PRRC1: variants seen among roughly 807,000 people sequenced by gnomAD.
PRRC1 encodes proline rich coiled-coil 1.
In PRRC1, 39 loss-of-function variants were observed where a neutral mutation model predicts 40.7. That is an observed-to-expected ratio of 0.96 (90% CI 0.74 to 1.25). PRRC1 has a LOEUF of 1.25. Ranked by LOEUF, PRRC1 falls within the 50% of genes most tolerant of loss-of-function variation. The probability of loss-of-function intolerance (pLI) is 0.00; values close to 1 mark genes in which losing one functional copy is unlikely to be tolerated. For synonymous variants in PRRC1, 175 were observed against 193.3 expected (o/e 0.91, Z 0.79); for missense variants, 573 against 548.3 (o/e 1.05, Z -0.45).
Position 127,533,846 on chromosome 5 carries a change from C to G in PRRC1, c.921+60C>G, listed in dbSNP as rs753895503. On this transcript the variant is annotated intron_variant, in intron 6 of 8. Transcript: ENST00000296666. The stretch of plus-strand genomic sequence containing the variant: ...ACTGGCATTTAATTTTTTCACAATT[C>G]TGATAATCTGTTGTCTCTATGGAGC... 4 of 1,553,480 alleles carry G rather than the reference C, an allele frequency of 2.6e-6. No individual in the cohort carries two copies. The Admixed American group carries it at 6.7e-5, about 26-fold the overall frequency.
chr5:127,531,416 CA>C (rs1047873338), intron 5 of PRRC1, among the ~76,000 whole-genome samples: 142 of 152,090 alleles, frequency 9.3e-4, no homozygotes, highest in Middle Eastern at 3.4e-3. Context: ...TGTAACTGTC[CA>C]AAGAATTCAA....
chr5:127,524,224 A>AGG (rs1188133331), intron 2 of PRRC1: 1 of 242,932 alleles, frequency 4.1e-6, no homozygotes, highest in African/African-American at 2.3e-5. Context: ...TTCAGGGCAT[A>AGG]GGTTTTTATG....
intron 6 of PRRC1, among the ~76,000 whole-genome samples, chr5:127,538,348 C>G (rs569357314): frequency 1.3e-5 from 2 of 152,004 alleles, no homozygotes; most frequent in South Asian, 2.1e-4. Flanking sequence ...TCTTATCTTG[C>G]GTTTTGAACA....
intron 8 of PRRC1, chr5:127,549,211 G>A (rs891970762): frequency 6.6e-6 from 1 of 151,838 alleles, no homozygotes; most frequent in African/African-American, 2.4e-5. Flanking sequence ...TCTACAAAAT[G>A]TTCAGAGATG....
intron 8 of PRRC1, 22 bp from the exon 9 acceptor site, chr5:127,551,683 AAT>A: frequency 6.2e-7 from 1 of 1,607,798 alleles, no homozygotes; most frequent in Non-Finnish European, 8.5e-7. Context: ...TATTATAAGT[AAT>A]ATCAATTTCA....
At chr5:127,541,472 T>C (rs1285653162) in intron 7 of PRRC1, among the ~76,000 whole-genome samples, 1 of 152,054 alleles carries the variant, frequency 6.6e-6, no homozygotes, top group Admixed American at 6.5e-5. Context: ...CTTGTACCTC[T>C]GGTAGAATTC....
chr5:127,524,256 C>A (rs560270043), intron 2 of PRRC1: 2 of 315,336 alleles, frequency 6.3e-6, no homozygotes, highest in Non-Finnish European at 5.8e-6. Context: ...GATGAAAAAT[C>A]GCTTTATTTT....
chr5:127,535,108 C>CAAAAT (rs1767864012), intron 6 of PRRC1, among the ~76,000 whole-genome samples: 1 of 140,038 alleles, frequency 7.1e-6, no homozygotes, highest in Non-Finnish European at 1.6e-5. Flanking sequence ...ATACTGTGGG[C>CAAAAT]CTCTGGTCAC....
intron 6 of PRRC1, among the ~76,000 whole-genome samples, chr5:127,535,306 T>G (rs1379267737): frequency 6.6e-6 from 1 of 152,204 alleles, no homozygotes; most frequent in Non-Finnish European, 1.5e-5. Context: ...CATCATTGTC[T>G]TCTTGTGCTT....
intron 7 of PRRC1, among the ~76,000 whole-genome samples, chr5:127,542,188 G>T (rs1278599556): frequency 2.0e-5 from 3 of 152,332 alleles, no homozygotes; most frequent in Middle Eastern, 3.4e-3. Flanking sequence ...GCAGTTTTGA[G>T]TGAGTTTCTT....
intron 6 of PRRC1, among the ~76,000 whole-genome samples, chr5:127,538,349 G>A (rs1267228501): frequency 6.6e-6 from 1 of 151,898 alleles, no homozygotes; most frequent in East Asian, 1.9e-4. Context: ...CTTATCTTGC[G>A]TTTTGAACAC....
At chr5:127,540,137 C>T (rs147595975) in intron 7 of PRRC1, among the ~76,000 whole-genome samples, 8 of 151,940 alleles carry the variant, frequency 5.3e-5, no homozygotes, top group Non-Finnish European at 1.0e-4. Flanking sequence ...CAAGAGGTGA[C>T]GGGACAAATT....
intron 1 of PRRC1, among the ~76,000 whole-genome samples, chr5:127,522,779 A>G (rs1288139247): frequency 6.6e-6 from 1 of 151,726 alleles, no homozygotes; most frequent in Non-Finnish European, 1.5e-5. Context: ...TAAATATTTT[A>G]TTTATTTATT....
chr5:127,554,265 T>C lies in PRRC1; in HGVS notation c.*2349T>C, dbSNP rs575865601. The C allele has an allele frequency of 1.5e-3, 241 of 160,170 alleles. No homozygotes were observed. The highest frequency in any genetic ancestry group is 3.3e-3 in the South Asian group (17 of 5,116). 9.9% of individuals were successfully genotyped at this position (160,170 alleles called of 1,614,324 possible). A position where few individuals can be genotyped will look rare whatever the true frequency, so the allele number is the denominator to read the frequency against. On this transcript the variant is annotated 3_prime_UTR_variant, in exon 9 of 9. Coordinates refer to ENST00000296666, the MANE Select transcript of PRRC1 (RefSeq NM_130809.5). Reference sequence around the variant, plus strand: ...TTCCTGCCCATTTCCTTGAACCTCCTGCTCTAGCCTTGGCGGAGGGAGAGT... The same window carrying C: ...TTCCTGCCCATTTCCTTGAACCTCCCGCTCTAGCCTTGGCGGAGGGAGAGT...
intron 7 of PRRC1, 28 bp downstream of exon 7, chr5:127,539,171 C>A (rs1367122313): frequency 6.4e-7 from 1 of 1,562,760 alleles, no homozygotes. Flanking sequence ...CTCTTGGAAG[C>A]AAAATATAAT....
At chr5:127,526,906 G>T in intron 4 of PRRC1, 128 bp downstream of exon 4, 1 of 755,458 alleles carries the variant, frequency 1.3e-6, no homozygotes, top group East Asian at 2.9e-5. Flanking sequence ...GCAGTTTTCT[G>T]TAGCTGCTCT....
chr5:127,548,303 A>T (rs1479613623), intron 8 of PRRC1: 3 of 386,784 alleles, frequency 7.8e-6, no homozygotes, highest in African/African-American at 2.1e-5. Flanking sequence ...CTTTTCCTTG[A>T]TTGATTGTCC....
In PRRC1 at chr5:127,524,797, C is replaced by A. The variant is rs149336967; in HGVS notation, c.370C>A (p.Pro124Thr). ...TGCCCCAAACACTCTTTTACCTGCA[C>A]CCCCTTCGGGTCCTCCTATATCAGG... Reference protein sequence around the residue: ...TSAPNTLLPAPPSGPPISGFS... With the variant: ...TSAPNTLLPATPSGPPISGFS... Residue 124 changes from proline (P) to threonine (T), a missense_variant, in exon 3 of 9, where the codon CCC becomes ACC. Physicochemically the swap from Pro to Thr is conservative, Grantham distance 38. Coordinates refer to ENST00000296666, the MANE Select transcript of PRRC1 (RefSeq NM_130809.5). The A allele has an allele frequency of 6.2e-7, 1 of 1,614,062 alleles. No individual in the cohort carries two copies. Among genetic ancestry groups the A allele is most frequent in the African/African-American group, 1.3e-5 (1 of 74,908 alleles).
rs747635503 is a variant in PRRC1, at chr5:127,528,739, C to T, written c.655-1555C>T. ...AATGTTTAATTTTTTAGACACTTAGCGTTTAATATAGTTGATATTTCTTTA... is the reference window on the plus strand; with the variant it reads ...AATGTTTAATTTTTTAGACACTTAGTGTTTAATATAGTTGATATTTCTTTA... On this transcript the variant is annotated intron_variant, in intron 4 of 8. Coordinates refer to ENST00000296666, the MANE Select transcript of PRRC1 (RefSeq NM_130809.5). Among the ~76,000 whole-genome samples, 4 of 152,176 alleles carry T rather than the reference C, an allele frequency of 2.6e-5. No individual in the cohort carries two copies. The East Asian group carries it at 5.8e-4, about 22-fold the overall frequency.
Sources: allele counts gnomAD v4.1 joint callset (sites outside exome capture counted in the v4.1 genomes callset), GRCh38; gene constraint gnomAD v4.1.1; transcripts MANE v1.5; gene names NCBI Gene and HGNC (gene_info 2026-07-23, HGNC 2026-07-21).